Variants in CACNB1 observed in about 807,000 individuals in gnomAD.
CACNB1 encodes the protein voltage-dependent L-type calcium channel subunit beta-1.
A neutral mutation model predicts 71.6 loss-of-function variants in CACNB1; 29 were observed. That is an observed-to-expected ratio of 0.40 (90% CI 0.30 to 0.55). The LOEUF (loss-of-function observed/expected upper bound fraction) is 0.55. Among genes scored for constraint, CACNB1 ranks in the 20% least tolerant of loss-of-function variants. The pLI is 0.38. For synonymous variants in CACNB1, 300 were observed against 319.6 expected, an observed-to-expected ratio of 0.94 and a Z score of 0.65; for missense variants, 623 against 801.8, an observed-to-expected ratio of 0.78 and a Z score of 2.69.
chr17:39,193,624 C>T (rs1168198955), intron 2 of CACNB1: 5 of 279,088 alleles, frequency 1.8e-5, no homozygotes, highest in Non-Finnish European at 1.4e-5. Context: ...GGACTGCCCC[C>T]CTCCACCACT....
intron 4 of CACNB1, 148 bp from the exon 5 acceptor site, chr17:39,187,077 G>A (rs910333056): frequency 5.1e-6 from 4 of 778,114 alleles, no homozygotes; most frequent in Non-Finnish European, 8.2e-6. Context: ...TCCAGCCTCT[G>A]AGTGGAGCTG....
intron 12 of CACNB1, 131 bp from the exon 13 acceptor site, chr17:39,177,666 T>C: frequency 1.4e-6 from 1 of 715,852 alleles, no homozygotes. Flanking sequence ...CCTCTGGATG[T>C]AGAAGGGAAG....
intron 7 of CACNB1, 86 bp downstream of exon 7, chr17:39,185,045 G>A: frequency 1.6e-6 from 2 of 1,252,072 alleles, no homozygotes; most frequent in Non-Finnish European, 2.4e-6. Flanking sequence ...GGGAAATGGG[G>A]GACAGATGTG....
chr17:39,182,561 C>T (rs2045801007), intron 11 of CACNB1, among the ~76,000 whole-genome samples: 1 of 150,382 alleles, frequency 6.6e-6, no homozygotes. Context: ...ATTAGCCGGG[C>T]CGTGGTGGTA....
rs200903206 is a variant in CACNB1, at chr17:39,175,475, G to A, written c.1515C>T (p.Pro505=). Residue 505 remains proline, a synonymous_variant, in exon 14 of 14, where the codon CCC becomes CCT. Coordinates refer to ENST00000394303, the MANE Select transcript of CACNB1 (RefSeq NM_000723.5). This position sits in a 1 kb window ranked among gnomAD's most constrained non-coding sequence, Gnocchi z 4.7. The stretch of plus-strand genomic sequence containing the variant: ...CCGTGTAGGCAGAGTTTCGGCTGCC[G>A]GGGGTGTCGGCATCAAAAGTGTCTT... ...SRQDTFDADT[P]GSRNSAYTEL... is the part of the protein sequence containing the mutation. 1.9e-6 allele frequency: 3 copies of A among 1,614,104 alleles called. No individual in the cohort carries two copies. Among genetic ancestry groups the A allele is most frequent in the South Asian group, 1.1e-5 (1 of 91,076 alleles).
At position 39,194,723 on chromosome 17, in the gene CACNB1, C is replaced by T. The variant is rs1267142231; in HGVS notation, c.171+161G>A. Among the ~76,000 whole-genome samples the T allele has an allele frequency of 6.6e-6, 1 of 152,048 alleles. No homozygotes were observed. The highest frequency in any genetic ancestry group is 1.5e-5 in the Non-Finnish European group (1 of 67,996). On this transcript the variant is annotated intron_variant, in intron 2 of 13. Coordinates refer to ENST00000394303, the MANE Select transcript of CACNB1 (RefSeq NM_000723.5). This position sits in a 1 kb window ranked among gnomAD's most constrained non-coding sequence, Gnocchi z 4.6. Reference sequence around the variant, plus strand: ...GAGCGAGTGGGTGCCGCTGACAGCACATCCAGAAGAGGTCATGGGGTGTCA... The same window carrying T: ...GAGCGAGTGGGTGCCGCTGACAGCATATCCAGAAGAGGTCATGGGGTGTCA...
At position 39,175,604 on chromosome 17, in the gene CACNB1, G is replaced by A. The variant is rs1316084365; in HGVS notation, c.1386C>T (p.His462=). Residue 462 remains histidine (H), a synonymous_variant, in exon 14 of 14, where the codon CAC becomes CAT. Coordinates refer to ENST00000394303, the MANE Select transcript of CACNB1 (RefSeq NM_000723.5). This position sits in a 1 kb window ranked among gnomAD's most constrained non-coding sequence, Gnocchi z 4.7. ...CCCCTGGGTACTCGTGCATGCTGGC[G>A]TGCTCCCCGGTGGCCCGTTCCAGTG... The part of the protein sequence containing the change: ...DQPLERATGE[H]ASMHEYPGEL... The A allele has an allele frequency of 6.9e-6, 11 of 1,598,400 alleles. No individual in the cohort carries two copies. The highest frequency in any genetic ancestry group is 2.2e-5 in the East Asian group (1 of 44,746).
At chr17:39,193,381 G>C in intron 2 of CACNB1, 1 of 400,810 alleles carries the variant, frequency 2.5e-6, no homozygotes, top group South Asian at 1.7e-5. Context: ...TGGAGTAAAG[G>C]CTGCCCTCCG....
At chr17:39,195,108 G>T in intron 1 of CACNB1, 138 bp from the exon 2 acceptor site, 1 of 614,140 alleles carries the variant, frequency 1.6e-6, no homozygotes, top group Non-Finnish European at 2.9e-6. Context: ...CATTCCTCCT[G>T]AGGTGGTACG....
rs2144068508 is a variant in CACNB1 at position 39,174,867 on chromosome 17, C to A, written c.*326G>T. The A allele has an allele frequency of 3.7e-6, 1 of 270,336 alleles. No homozygotes were observed. The highest frequency in any genetic ancestry group is 7.0e-6 in the Non-Finnish European group (1 of 141,890). The allele number at this position is 270,336 out of a possible 1,614,324, so 16.7% of individuals were successfully genotyped here. ...CCCACTTAGGACCGTCACTTAGGGC[C>A]CCGAGTAGAAAGAGTTAAGGAAGTG... On this transcript the variant is annotated 3_prime_UTR_variant, in exon 14 of 14. Coordinates refer to ENST00000394303, the MANE Select transcript of CACNB1 (RefSeq NM_000723.5).
At position 39,186,496 on chromosome 17, in the gene CACNB1, C is replaced by G; in HGVS notation, c.628G>C (p.Ala210Pro). The change falls in exon 6 of 14, where the codon GCC (alanine) becomes CCC (proline). Residue 210 changes from alanine to proline, a missense_variant and splice_region_variant. Transcript: ENST00000394303. The surrounding 1 kb of genome is among the most constrained non-coding windows in gnomAD (Gnocchi z 4.1). The stretch of plus-strand genomic sequence containing the variant: ...ACCCCTGCATGGCGATGGCTCTTAC[C>G]ACTGGCAGGGGGTGTGGGGCGGCGG... ...GTRRPTPPAS[A>P]KQKQKSTEHV... The G allele has an allele frequency of 6.2e-7, 1 of 1,611,778 alleles. No individual in the cohort carries two copies. Among genetic ancestry groups the G allele is most frequent in the Non-Finnish European group, 8.5e-7 (1 of 1,178,424 alleles).
chr17:39,180,236 T>C lies in CACNB1; in HGVS notation c.1051-2157A>G, dbSNP rs566610495. Among the ~76,000 whole-genome samples, 10 of 150,882 alleles carry C rather than the reference T, an allele frequency of 6.6e-5. No homozygotes were observed. The South Asian group carries it at 2.1e-3, about 31-fold the overall frequency. ...AAGATCGCATCACTGCACTCCAGCC[T>C]GGGCAGCCAGAGTGAGACCCTAGCT... On this transcript the variant is annotated intron_variant, in intron 11 of 13. Transcript: ENST00000394303.
intron 11 of CACNB1, among the ~76,000 whole-genome samples, chr17:39,180,642 G>A (rs1173918834): frequency 3.3e-5 from 5 of 149,818 alleles, no homozygotes; most frequent in Admixed American, 6.7e-5. Context: ...GTGACAGAGC[G>A]AGACTTCGTC....
chr17:39,181,744 C>A (rs554883246), intron 11 of CACNB1, among the ~76,000 whole-genome samples: 1 of 152,116 alleles, frequency 6.6e-6, no homozygotes, highest in Non-Finnish European at 1.5e-5. Flanking sequence ...AGGCTGGGCG[C>A]GGTGGCTCAC....
At chr17:39,196,579 C>T (rs921765333) in intron 1 of CACNB1, among the ~76,000 whole-genome samples, 1 of 152,122 alleles carries the variant, frequency 6.6e-6, no homozygotes, top group East Asian at 1.9e-4. Flanking sequence ...CAAAGAAATC[C>T]CCTGGCGCGA....
rs1567817673 is a variant in CACNB1 at position 39,197,610 on chromosome 17, C to G, written c.-115G>C. 3 of 741,790 alleles carry G rather than the reference C, an allele frequency of 4.0e-6. No individual in the cohort carries two copies. The highest frequency in any genetic ancestry group is 2.1e-6 in the Non-Finnish European group (1 of 469,596). The allele number at this position is 741,790 out of a possible 1,614,324, so 46.0% of individuals were successfully genotyped here. ...CGCAGCCAGCACCCGGTCCAGCCAC[C>G]CAGCTCGGCCTTCGGCTGCCTCCTT... On this transcript the variant is annotated 5_prime_UTR_variant, in exon 1 of 14. Coordinates refer to ENST00000394303, the MANE Select transcript of CACNB1 (RefSeq NM_000723.5).
intron 11 of CACNB1, among the ~76,000 whole-genome samples, chr17:39,182,350 G>A (rs2045791464): frequency 6.7e-6 from 1 of 150,296 alleles, no homozygotes; most frequent in Non-Finnish European, 1.5e-5. Flanking sequence ...TAAGTAACTG[G>A]TCCAGGGAGC....
intron 3 of CACNB1, among the ~76,000 whole-genome samples, chr17:39,191,019 A>G (rs1039685665): frequency 6.6e-6 from 1 of 151,764 alleles, no homozygotes; most frequent in South Asian, 2.1e-4. Flanking sequence ...CCTGGCTAAC[A>G]TGGTGAAACC....
chr17:39,183,791 G>A lies in CACNB1; in HGVS notation c.972C>T (p.Asp324=), dbSNP rs769525847. 1 of 1,613,956 alleles carries A rather than the reference G, an allele frequency of 6.2e-7. No individual in the cohort carries two copies. The change falls in exon 11 of 14, where the codon GAC becomes GAT. Residue 324 remains aspartate, a synonymous_variant. Coordinates refer to ENST00000394303, the MANE Select transcript of CACNB1 (RefSeq NM_000723.5). The stretch of plus-strand genomic sequence containing the variant: ...ACAGCTGGGCTGGGTGATTGATGGT[G>A]TCAGCATCCAGAGCGACCAACTGAA... ...RTLQLVALDA[D]TINHPAQLSK... is the part of the protein sequence containing the mutation.
Sources: allele counts gnomAD v4.1 joint callset (sites outside exome capture counted in the v4.1 genomes callset), GRCh38; gene constraint gnomAD v4.1.1; non-coding constraint Gnocchi (gnomAD v3.1); transcripts MANE v1.5; gene names NCBI Gene and HGNC (gene_info 2026-07-23, HGNC 2026-07-21).